Variants in TUT4 observed in about 807,000 individuals in gnomAD.
TUT4 encodes terminal uridylyltransferase 4.
A neutral mutation model predicts 192.2 loss-of-function variants in TUT4; 36 were observed. The ratio of observed to expected loss-of-function variants is 0.19; its 90% CI spans 0.14 to 0.25. The LOEUF (loss-of-function observed/expected upper bound fraction) is 0.25, where lower values mean the gene tolerates loss of function less well. TUT4 is among the 10% of genes least tolerant of loss of function. TUT4 has a pLI of 1.00. For synonymous variants in TUT4, 618 were observed against 666.0 expected (o/e 0.93, Z 1.11); for missense variants, 1,493 against 1,957.2 (o/e 0.76, Z 4.47).
intron 26 of TUT4, among the ~76,000 whole-genome samples, chr1:52,435,986 C>G (rs1557644273): frequency 6.6e-6 from 1 of 152,094 alleles, no homozygotes; most frequent in Non-Finnish European, 1.5e-5. Flanking sequence ...GAAATCACTA[C>G]TTCTAAAATG....
chr1:52,522,210 T>C lies in TUT4; in HGVS notation c.718+3353A>G, dbSNP rs145856755. On this transcript the variant is annotated intron_variant, in intron 2 of 29. Transcript: ENST00000257177. ...AGCACTTACTTATGAAAAATGACTG[T>C]ATACTACAAATCATTTTTATTAATT... Among the ~76,000 whole-genome samples, 1,402 of 152,310 alleles carry C rather than the reference T, an allele frequency of 9.2e-3. 18 individuals are homozygous for C. The highest frequency in any genetic ancestry group is 0.031 in the African/African-American group (1,292 of 41,558).
chr1:52,470,709 T>C (rs1409359738), intron 14 of TUT4, among the ~76,000 whole-genome samples: 3 of 152,048 alleles, frequency 2.0e-5, no homozygotes, highest in Non-Finnish European at 4.4e-5. Context: ...AAACTATCTA[T>C]AGTGACAAAA....
intron 20 of TUT4, among the ~76,000 whole-genome samples, chr1:52,448,611 A>C (rs983784994): frequency 6.0e-5 from 9 of 151,012 alleles, no homozygotes; most frequent in African/African-American, 2.0e-4. Context: ...AAAAAAAAAA[A>C]AAGAGGCAAT....
chr1:52,543,205 T>C (rs1687190520), intron 1 of TUT4, among the ~76,000 whole-genome samples: 1 of 152,054 alleles, frequency 6.6e-6, no homozygotes, highest in African/African-American at 2.4e-5. Flanking sequence ...ACCCTAAAGA[T>C]TATACACACA....
At chr1:52,441,497 G>A (rs1028564459) in intron 24 of TUT4, among the ~76,000 whole-genome samples, 2 of 135,108 alleles carry the variant, frequency 1.5e-5, no homozygotes, top group East Asian at 2.1e-4. Context: ...GTTTCACCAC[G>A]TTGACCAGGC....
At position 52,458,452 on chromosome 1, in the gene TUT4, A is replaced by G; in HGVS notation, c.3322-3T>C. On this transcript the variant is annotated splice_region_variant and splice_polypyrimidine_tract_variant and intron_variant, in intron 19 of 29. Coordinates refer to ENST00000257177, the MANE Select transcript of TUT4 (RefSeq NM_001009881.3). The stretch of plus-strand genomic sequence containing the variant: ...GAAGCATCCCCAATGTCACATCGCT[A>G]AAAAACAACATGATTGAAAACAAAA... The G allele has an allele frequency of 6.2e-7, 1 of 1,604,582 alleles. No individual in the cohort carries two copies. The highest frequency in any genetic ancestry group is 8.5e-7 in the Non-Finnish European group (1 of 1,172,918).
chr1:52,497,308 A>G, intron 4 of TUT4, 125 bp from the exon 5 acceptor site: 1 of 936,086 alleles, frequency 1.1e-6, no homozygotes, highest in Non-Finnish European at 1.5e-6. Context: ...CATCTACCAG[A>G]TACCTACAAT....
intron 20 of TUT4, among the ~76,000 whole-genome samples, chr1:52,450,215 A>G (rs1005945728): frequency 4.6e-5 from 7 of 152,222 alleles, no homozygotes; most frequent in African/African-American, 1.7e-4. Context: ...AGACATCATT[A>G]GCTTCTTTAA....
intron 13 of TUT4, among the ~76,000 whole-genome samples, chr1:52,474,615 A>G (rs1666633904): frequency 6.6e-6 from 1 of 152,228 alleles, no homozygotes; most frequent in South Asian, 2.1e-4. Context: ...AGTAAAGGAA[A>G]CCAACTGGTA....
At chr1:52,429,113 T>A (rs1651084487) in intron 28 of TUT4, among the ~76,000 whole-genome samples, 1 of 145,070 alleles carries the variant, frequency 6.9e-6, no homozygotes, top group African/African-American at 2.6e-5. Flanking sequence ...AGATGGAGTC[T>A]CGCTCTGTCG....
chr1:52,520,383 T>G (rs1679922437), intron 2 of TUT4, among the ~76,000 whole-genome samples: 1 of 152,104 alleles, frequency 6.6e-6, no homozygotes, highest in Non-Finnish European at 1.5e-5. Flanking sequence ...CAATGAAGGG[T>G]GATGTAAGTG....
chr1:52,456,337 C>T lies in TUT4; in HGVS notation c.3435+1999G>A, dbSNP rs377530869. ...AGAATTGCTTTAATCGCTTGAACCC[C>T]GGAGGTGGAGGTTGCAGTGAGCTGA... On this transcript the variant is annotated intron_variant, in intron 20 of 29. Coordinates refer to ENST00000257177, the MANE Select transcript of TUT4 (RefSeq NM_001009881.3). 1.1e-3 allele frequency among the ~76,000 whole-genome samples: 149 copies of T among 137,184 alleles called. 1 individual carries two copies. Among genetic ancestry groups the T allele is most frequent in the Non-Finnish European group, 1.5e-3 (98 of 65,634 alleles). 90.0% of individuals were successfully genotyped at this position (137,184 alleles called of 152,430 possible).
intron 8 of TUT4, among the ~76,000 whole-genome samples, chr1:52,489,450 G>C (rs1384695588): frequency 6.6e-6 from 1 of 152,146 alleles, no homozygotes; most frequent in Non-Finnish European, 1.5e-5. Context: ...AGCAAAAAAT[G>C]AATACTTAAC....
Position 52,509,647 on chromosome 1 carries a change from G to T in TUT4, c.948C>A (p.Ile316=). Residue 316 remains isoleucine, a synonymous_variant, in exon 4 of 30, where the codon ATC becomes ATA. Transcript: ENST00000257177. ...CCTTTATATGTTTATGAGCCCCCTG[G>T]ATATTTTCAATGTGAATTAAGCAAA... is the stretch of plus-strand genomic sequence containing the variant. ...CKLCLIHIEN[I]QGAHKHIKEK... 1 of 1,611,544 alleles carries T rather than the reference G, an allele frequency of 6.2e-7. No homozygotes were observed. The highest frequency in any genetic ancestry group is 8.5e-7 in the Non-Finnish European group (1 of 1,178,154).
chr1:52,443,699 G>A (rs1176320941), intron 24 of TUT4, among the ~76,000 whole-genome samples: 1 of 152,010 alleles, frequency 6.6e-6, no homozygotes. Flanking sequence ...GGTGTCCAAG[G>A]CTGCAGTGAG....
chr1:52,528,269 C>A (rs1470680578), intron 1 of TUT4, among the ~76,000 whole-genome samples: 1 of 151,032 alleles, frequency 6.6e-6, no homozygotes, highest in Non-Finnish European at 1.5e-5. Flanking sequence ...CCGAGGCTGG[C>A]GGATTGAGTC....
At chr1:52,512,657 T>G (rs540449609) in intron 3 of TUT4, among the ~76,000 whole-genome samples, 12 of 152,370 alleles carry the variant, frequency 7.9e-5, no homozygotes, top group Non-Finnish European at 4.4e-5. Context: ...GTTTATTATA[T>G]TTTATTCTAC....
At chr1:52,501,337 T>TA (rs2149216872) in intron 4 of TUT4, among the ~76,000 whole-genome samples, 1 of 147,626 alleles carries the variant, frequency 6.8e-6, no homozygotes, top group South Asian at 2.1e-4. Flanking sequence ...AAATGCCAAA[T>TA]AAGTACATGA....
Position 52,465,085 on chromosome 1 carries a change from G to T in TUT4, c.3054C>A (p.Gly1018=), listed in dbSNP as rs548130648. 1 of 1,610,730 alleles carries T rather than the reference G, an allele frequency of 6.2e-7. No individual in the cohort carries two copies. The highest frequency in any genetic ancestry group is 2.2e-5 in the East Asian group (1 of 44,632). The change falls in exon 16 of 30, where the codon GGC becomes GGA. Residue 1018 remains glycine, a synonymous_variant. Coordinates refer to ENST00000257177, the MANE Select transcript of TUT4 (RefSeq NM_001009881.3). ...SDLDICMTLE[G]HENAEKLNCK... is the part of the protein sequence containing the mutation. ...ACACTCTTACCTCTGCATTTTCATG[G>T]CCTTCCAGGGTCATACAAATATCCA...
Sources: allele counts gnomAD v4.1 joint callset (sites outside exome capture counted in the v4.1 genomes callset), GRCh38; gene constraint gnomAD v4.1.1; transcripts MANE v1.5; gene names NCBI Gene and HGNC (gene_info 2026-07-23, HGNC 2026-07-21).